The following SLC39A8 variants were observed in gnomAD, a reference collection of about 807,000 sequenced individuals.
The protein encoded by SLC39A8 is solute carrier family 39 member 8.
In SLC39A8, 15 loss-of-function variants were observed where a neutral mutation model predicts 40.4. That is an observed-to-expected ratio of 0.37 (90% confidence interval 0.25 to 0.57). SLC39A8 has a LOEUF of 0.57. SLC39A8 is among the 20% of genes least tolerant of loss of function. SLC39A8 has a pLI of 0.75. For synonymous variants in SLC39A8, 223 were observed against 221.6 expected, an observed-to-expected ratio of 1.01 and a Z score of -0.06; for missense variants, 472 against 558.8, an observed-to-expected ratio of 0.84 and a Z score of 1.57.
At position 102,293,854 on chromosome 4, in the gene SLC39A8, T is replaced by C. The variant is rs376255312; in HGVS notation, c.840+10463A>G. On this transcript the variant is annotated intron_variant, in intron 6 of 8. Coordinates refer to ENST00000356736, the MANE Select transcript of SLC39A8 (RefSeq NM_001135146.2). ...AGGTGAGGAGCAGACCTTGTCTTTA[T>C]AGCTGACTAAAAACTATAATAATTA... 4.0e-5 allele frequency among the ~76,000 whole-genome samples: 6 copies of C among 151,674 alleles called. No homozygotes were observed. The East Asian group carries it at 5.8e-4, about 15-fold the overall frequency.
At chr4:102,309,074 T>C (rs1412504861) in intron 3 of SLC39A8, among the ~76,000 whole-genome samples, 1 of 152,090 alleles carries the variant, frequency 6.6e-6, no homozygotes, top group African/African-American at 2.4e-5. Context: ...TGTAAAAATG[T>C]TTTCCTGAAT....
At chr4:102,332,651 C>A (rs1374360866) in intron 2 of SLC39A8, among the ~76,000 whole-genome samples, 1 of 152,200 alleles carries the variant, frequency 6.6e-6, no homozygotes, top group African/African-American at 2.4e-5. Context: ...TGATGGTTTG[C>A]AGTCCCATTA....
intron 2 of SLC39A8, among the ~76,000 whole-genome samples, chr4:102,334,577 C>T (rs561434160): frequency 1.3e-5 from 2 of 152,312 alleles, no homozygotes; most frequent in South Asian, 4.1e-4. Context: ...GGAACATCAG[C>T]AGAGAACATA....
At chr4:102,336,226 CA>C (rs934893387) in intron 2 of SLC39A8, among the ~76,000 whole-genome samples, 1 of 152,034 alleles carries the variant, frequency 6.6e-6, no homozygotes. Flanking sequence ...TTTTCTAGTC[CA>C]AAAAACTGTC....
chr4:102,340,710 T>A (rs1253023031), intron 2 of SLC39A8, among the ~76,000 whole-genome samples: 4 of 152,206 alleles, frequency 2.6e-5, no homozygotes, highest in African/African-American at 9.7e-5. Context: ...TCATTTAAAA[T>A]GTCTGCTGAA....
At chr4:102,340,486 T>C (rs1735894811) in intron 2 of SLC39A8, among the ~76,000 whole-genome samples, 1 of 152,180 alleles carries the variant, frequency 6.6e-6, no homozygotes, top group African/African-American at 2.4e-5. Context: ...TAATCAGGTA[T>C]TTCTAGAGAA....
chr4:102,281,778 T>C (rs1346966451), intron 6 of SLC39A8, among the ~76,000 whole-genome samples: 1 of 152,068 alleles, frequency 6.6e-6, no homozygotes, highest in East Asian at 1.9e-4. Context: ...GCGTGAGAAG[T>C]AGGAGCCACA....
At chr4:102,334,535 C>T (rs7664683) in intron 2 of SLC39A8, among the ~76,000 whole-genome samples, 20,014 of 152,154 alleles carry the variant, frequency 0.13, 1,583 homozygotes, top group South Asian at 0.28. Context: ...GAAGAAAAGA[C>T]ATTTTTTCCC....
rs1731882253 is a variant in SLC39A8 at position 102,261,987 on chromosome 4, CT to C, written c.*1056del. 2 of 985,542 alleles carry C rather than the reference CT, an allele frequency of 2.0e-6. No homozygotes were observed. The highest frequency in any genetic ancestry group is 6.2e-5 in the Admixed American group (1 of 16,240). The allele number at this position is 985,542 out of a possible 1,614,324, so 61.0% of individuals were successfully genotyped here. ...AAGGTAGAAAAATAACCATGGTGTG[CT>C]AATTTTTTTCAAGGTATACCATATG... is the stretch of plus-strand genomic sequence containing the variant. On this transcript the variant is annotated 3_prime_UTR_variant, in exon 9 of 9. Transcript: ENST00000356736.
At chr4:102,314,958 G>T (rs1734594026) in intron 3 of SLC39A8, among the ~76,000 whole-genome samples, 1 of 152,042 alleles carries the variant, frequency 6.6e-6, no homozygotes, top group African/African-American at 2.4e-5. Flanking sequence ...ATAAATATTT[G>T]CTTAATGAAC....
At chr4:102,267,725 GGAT>G in intron 7 of SLC39A8, 51 bp from the exon 8 acceptor site, 1 of 1,541,566 alleles carries the variant, frequency 6.5e-7, no homozygotes, top group Non-Finnish European at 8.7e-7. Context: ...TTTTATTTCT[GGAT>G]GATATCAAAG....
Position 102,294,829 on chromosome 4 carries a change from G to A in SLC39A8, c.840+9488C>T, listed in dbSNP as rs116083678. ...ATAAAAGTAAACTTATGACCAAAAC[G>A]CATATGAAAAGATGCTCAACTGCAC... is the stretch of plus-strand genomic sequence containing the variant. On this transcript the variant is annotated intron_variant, in intron 6 of 8. Coordinates refer to ENST00000356736, the MANE Select transcript of SLC39A8 (RefSeq NM_001135146.2). 6.6e-3 allele frequency among the ~76,000 whole-genome samples: 1,008 copies of A among 151,886 alleles called. 15 individuals are homozygous for A. Among genetic ancestry groups the A allele is most frequent in the African/African-American group, 0.023 (954 of 41,454 alleles).
At chr4:102,272,402 C>T (rs529433556) in intron 6 of SLC39A8, among the ~76,000 whole-genome samples, 2 of 150,968 alleles carry the variant, frequency 1.3e-5, no homozygotes, top group African/African-American at 4.9e-5. Context: ...TCGCAGTGAG[C>T]CGAGCCTGGG....
chr4:102,264,450 G>C (rs905928668), intron 8 of SLC39A8, among the ~76,000 whole-genome samples: 6 of 152,218 alleles, frequency 3.9e-5, no homozygotes, highest in Admixed American at 6.5e-5. Flanking sequence ...CATCCAGGCT[G>C]TGTTGTTCTA....
At chr4:102,284,555 C>T (rs1443887162) in intron 6 of SLC39A8, among the ~76,000 whole-genome samples, 1 of 152,098 alleles carries the variant, frequency 6.6e-6, no homozygotes, top group African/African-American at 2.4e-5. Context: ...AATATAGCAT[C>T]ACTGATTTAA....
intron 6 of SLC39A8, among the ~76,000 whole-genome samples, chr4:102,301,475 T>A (rs1447352479): frequency 2.6e-5 from 4 of 152,080 alleles, no homozygotes; most frequent in Non-Finnish European, 5.9e-5. Flanking sequence ...CAAGGTAGGT[T>A]ATTACTATAT....
intron 6 of SLC39A8, among the ~76,000 whole-genome samples, chr4:102,293,397 A>C (rs954762029): frequency 2.0e-5 from 3 of 151,994 alleles, no homozygotes; most frequent in Non-Finnish European, 4.4e-5. Context: ...TGCCAATAAA[A>C]CAAGAGAAAT....
At chr4:102,272,443 A>G (rs564544319) in intron 6 of SLC39A8, among the ~76,000 whole-genome samples, 58 of 152,012 alleles carry the variant, frequency 3.8e-4, no homozygotes, top group South Asian at 3.3e-3. Context: ...TCAGAAAAAA[A>G]AAAGAAAGAA....
intron 8 of SLC39A8, among the ~76,000 whole-genome samples, chr4:102,263,937 TTA>T (rs751689741): frequency 6.6e-6 from 1 of 152,170 alleles, no homozygotes; most frequent in Non-Finnish European, 1.5e-5. Context: ...CTCATTCTAG[TTA>T]TCTTGCCATT....
Sources: allele counts gnomAD v4.1 joint callset (sites outside exome capture counted in the v4.1 genomes callset), GRCh38; gene constraint gnomAD v4.1.1; transcripts MANE v1.5; gene names NCBI Gene and HGNC (gene_info 2026-07-23, HGNC 2026-07-21).